Variants in HYCC1 observed in about 807,000 individuals in gnomAD.
HYCC1 encodes hyccin PI4KA lipid kinase complex subunit 1.
At chr7:22,975,901 T>C in the HYCC1 span, among the ~76,000 whole-genome samples, 1 of 152,070 alleles carries the variant, frequency 6.6e-6, no homozygotes, top group Non-Finnish European at 1.5e-5. Flanking sequence ...AAATTTGTTA[T>C]AGAGACAGGG....
chr7:22,907,251 A>T, the HYCC1 span, among the ~76,000 whole-genome samples: 2 of 152,152 alleles, frequency 1.3e-5, no homozygotes, highest in Non-Finnish European at 2.9e-5. Flanking sequence ...ACTTAGTTCA[A>T]CTAAGATGCC....
At chr7:22,960,378 G>C in the HYCC1 span, 1 of 1,613,360 alleles carries the variant, frequency 6.2e-7, no homozygotes, top group South Asian at 1.1e-5. Flanking sequence ...AGATTTCATG[G>C]GACCATGAGG....
chr7:22,932,079 A>C, the HYCC1 span, among the ~76,000 whole-genome samples: 2 of 152,192 alleles, frequency 1.3e-5, no homozygotes, highest in Admixed American at 1.3e-4. Flanking sequence ...TGGTGGACAA[A>C]AGTTTGTTGA....
chr7:22,897,861 T>A, the HYCC1 span, among the ~76,000 whole-genome samples: 4,188 of 152,154 alleles, frequency 0.028, 220 homozygotes, highest in African/African-American at 0.096. Flanking sequence ...CTCGAACTCC[T>A]AGGCTCAAGT....
At chr7:22,960,107 T>C in the HYCC1 span, 3 of 771,336 alleles carry the variant, frequency 3.9e-6, no homozygotes, top group Admixed American at 2.0e-5. Context: ...CTATTGCTCC[T>C]AGATAATAAA....
the HYCC1 span, among the ~76,000 whole-genome samples, chr7:22,958,457 A>C: frequency 6.6e-6 from 1 of 152,136 alleles, no homozygotes; most frequent in African/African-American, 2.4e-5. Flanking sequence ...TGTTATAATA[A>C]ACAGAGTTTC....
chr7:22,986,858 A>C, the HYCC1 span, among the ~76,000 whole-genome samples: 2 of 152,190 alleles, frequency 1.3e-5, no homozygotes, highest in Admixed American at 1.3e-4. Flanking sequence ...AAAAAACAAC[A>C]ACAACAACAA....
the HYCC1 span, chr7:23,013,847 G>A: frequency 4.5e-6 from 2 of 441,384 alleles, no homozygotes; most frequent in African/African-American, 2.0e-5. Context: ...GCCTCGCCCC[G>A]GCTCCTCCCT....
the HYCC1 span, among the ~76,000 whole-genome samples, chr7:22,959,147 C>T: frequency 2.6e-5 from 4 of 152,082 alleles, no homozygotes; most frequent in South Asian, 2.1e-4. Flanking sequence ...CAAACATCAC[C>T]GCCTCTTTTA....
the HYCC1 span, among the ~76,000 whole-genome samples, chr7:23,012,255 A>C: frequency 6.6e-6 from 1 of 152,338 alleles, no homozygotes; most frequent in African/African-American, 2.4e-5. Context: ...AACAGTACAT[A>C]TATTTAAACT....
the HYCC1 span, among the ~76,000 whole-genome samples, chr7:22,931,458 T>C: frequency 6.6e-3 from 1,011 of 152,186 alleles, 7 homozygotes; most frequent in African/African-American, 0.021. Context: ...TACCAGGGCA[T>C]GGGGTGCTGC....
the HYCC1 span, among the ~76,000 whole-genome samples, chr7:22,906,055 T>A: frequency 6.6e-6 from 1 of 152,184 alleles, no homozygotes; most frequent in South Asian, 2.1e-4. Context: ...TTACTGATGA[T>A]CATGATGGTG....
chr7:22,935,753 C>T, the HYCC1 span: 2 of 152,096 alleles, frequency 1.3e-5, no homozygotes, highest in Non-Finnish European at 2.9e-5. Context: ...TCAAGCGATT[C>T]TCCTGCCACA....
At chr7:22,905,706 C>T in the HYCC1 span, among the ~76,000 whole-genome samples, 1 of 152,008 alleles carries the variant, frequency 6.6e-6, no homozygotes, top group Non-Finnish European at 1.5e-5. Flanking sequence ...TATATTTATA[C>T]ATGGCATCAT....
At chr7:22,898,670 T>G in the HYCC1 span, among the ~76,000 whole-genome samples, 1 of 149,700 alleles carries the variant, frequency 6.7e-6, no homozygotes, top group Non-Finnish European at 1.5e-5. Context: ...TGGCATGATC[T>G]CGGCTCACTG....
chr7:22,996,460 T>C, the HYCC1 span, among the ~76,000 whole-genome samples: 2 of 151,870 alleles, frequency 1.3e-5, no homozygotes, highest in East Asian at 1.9e-4. Flanking sequence ...GTTTGTTACA[T>C]GGGTATACTG....
At chr7:22,923,153 T>A in the HYCC1 span, among the ~76,000 whole-genome samples, 1 of 152,188 alleles carries the variant, frequency 6.6e-6, no homozygotes. Flanking sequence ...ATAGATCATA[T>A]GTCAGGTCAC....
At chr7:22,978,461 CA>C in the HYCC1 span, 1 of 1,609,988 alleles carries the variant, frequency 6.2e-7, no homozygotes. Context: ...AGAAGAAAGA[CA>C]AAATGTTAAT....
At chr7:22,995,042 T>C in the HYCC1 span, among the ~76,000 whole-genome samples, 2 of 152,154 alleles carry the variant, frequency 1.3e-5, no homozygotes, top group Admixed American at 6.5e-5. Context: ...GCTTTCTTCT[T>C]TTCATGAGAC....
Sources: gnomAD v4.1 joint callset for allele counts (sites outside exome capture counted in the v4.1 genomes callset) on GRCh38, gnomAD v4.1.1 for gene constraint, MANE v1.5 for transcripts, NCBI Gene and HGNC (gene_info 2026-07-23, HGNC 2026-07-21) for gene names.